Variants in B4GALNT2 observed in about 807,000 individuals in gnomAD.
The protein encoded by B4GALNT2 is beta-1,4-N-acetyl-galactosaminyltransferase 2 (SID blood group).
In B4GALNT2, 42 loss-of-function variants were observed where a neutral mutation model predicts 51.1. The ratio of observed to expected loss-of-function variants is 0.82; its 90% confidence interval spans 0.64 to 1.06. The LOEUF is 1.06. Ranked by LOEUF, B4GALNT2 falls within the 50% of genes least tolerant of loss-of-function variation. B4GALNT2 has a pLI of 0.00. For missense variants in B4GALNT2, 602 were observed against 633.6 expected (o/e 0.95, Z 0.54); for synonymous variants, 253 against 251.7 (o/e 1.01, Z -0.05).
At chr17:49,142,731 A>C (rs2042656619) in intron 3 of B4GALNT2, among the ~76,000 whole-genome samples, 1 of 151,942 alleles carries the variant, frequency 6.6e-6, no homozygotes, top group Non-Finnish European at 1.5e-5. Flanking sequence ...AAAACAAAAA[A>C]AACAAAAGGA....
the B4GALNT2 span, among the ~76,000 whole-genome samples, chr17:49,124,479 C>T: frequency 6.6e-6 from 1 of 152,092 alleles, no homozygotes; most frequent in Admixed American, 6.5e-5. Context: ...TTGTGGCACA[C>T]AATAGTTTTA....
rs2042949339 is a variant in B4GALNT2 at position 49,170,265 on chromosome 17, G to A, written c.*537G>A. Reference sequence around the variant, plus strand: ...TCACAGAATTAGGCAGCCGGGGTCAGAGGATCAGAGAAGGGAAGGGGTCAC... The same window carrying A: ...TCACAGAATTAGGCAGCCGGGGTCAAAGGATCAGAGAAGGGAAGGGGTCAC... On this transcript the variant is annotated 3_prime_UTR_variant, in exon 11 of 11. Coordinates refer to ENST00000393354, the MANE Select transcript of B4GALNT2 (RefSeq NM_001159387.2). 1 of 152,720 alleles carries A rather than the reference G, an allele frequency of 6.5e-6. No individual in the cohort carries two copies. Among genetic ancestry groups the A allele is most frequent in the Admixed American group, 6.5e-5 (1 of 15,292 alleles). The allele number at this position is 152,720 out of a possible 1,614,324, so 9.5% of individuals were successfully genotyped here.
intron 1 of B4GALNT2, among the ~76,000 whole-genome samples, chr17:49,140,003 C>T (rs1249372687): frequency 1.3e-5 from 2 of 150,156 alleles, no homozygotes; most frequent in Non-Finnish European, 3.0e-5. Flanking sequence ...ACTAGAATAG[C>T]TCAATTTTGT....
At chr17:49,146,079 G>A (rs1005611240) in intron 3 of B4GALNT2, among the ~76,000 whole-genome samples, 3 of 152,044 alleles carry the variant, frequency 2.0e-5, no homozygotes, top group African/African-American at 4.8e-5. Flanking sequence ...TCCTGGACCC[G>A]TGAATCCTGG....
chr17:49,142,502 C>A lies in B4GALNT2; in HGVS notation c.353+330C>A, dbSNP rs529490098. 5.9e-5 allele frequency among the ~76,000 whole-genome samples: 9 copies of A among 151,698 alleles called. No individual in the cohort carries two copies. The East Asian group carries it at 1.8e-3, about 30-fold the overall frequency. The stretch of plus-strand genomic sequence containing the variant: ...CCCAGGAGTTTGAGACCAGCTTGGG[C>A]AATATAGTGAGACCCCCATCTCTAC... On this transcript the variant is annotated intron_variant, in intron 3 of 10. Coordinates refer to ENST00000393354, the MANE Select transcript of B4GALNT2 (RefSeq NM_001159387.2).
At chr17:49,131,314 T>C (rs1226259301), upstream of B4GALNT2, among the ~76,000 whole-genome samples, 2 of 152,046 alleles carry the variant, frequency 1.3e-5, no homozygotes, top group East Asian at 1.9e-4. Flanking sequence ...TCTACATTTG[T>C]TACATTAAAA....
rs775174162 is a variant in B4GALNT2, at chr17:49,142,086, T to G, written c.267T>G (p.Gly89=). The G allele has an allele frequency of 2.7e-5, 43 of 1,613,748 alleles. No homozygotes were observed. The highest frequency in any genetic ancestry group is 1.2e-4 in the African/African-American group (9 of 74,794). The part of the protein sequence containing the change: ...CKCEANKEQG[G]YNFQDAYGQS... ...GTGAAGCCAACAAAGAGCAGGGAGGTTACAACTTTCAGGATGCCTATGGCC... is the reference window on the plus strand; with the variant it reads ...GTGAAGCCAACAAAGAGCAGGGAGGGTACAACTTTCAGGATGCCTATGGCC... The change falls in exon 3 of 11, where the codon GGT becomes GGG. Residue 89 remains glycine (G), a synonymous_variant. Transcript: ENST00000393354.
chr17:49,138,560 C>T (rs2042611135), intron 1 of B4GALNT2, among the ~76,000 whole-genome samples: 1 of 152,216 alleles, frequency 6.6e-6, no homozygotes, highest in African/African-American at 2.4e-5. Flanking sequence ...TCAGCTATCT[C>T]ATCTGATCAT....
At chr17:49,154,452 T>TGTCC (rs972346377) in intron 4 of B4GALNT2, among the ~76,000 whole-genome samples, 9 of 152,198 alleles carry the variant, frequency 5.9e-5, no homozygotes, top group Non-Finnish European at 1.3e-4. Flanking sequence ...CAGGCACAGA[T>TGTCC]GTCCCCTCCC....
intron 1 of B4GALNT2, chr17:49,133,237 C>G (rs370553673): frequency 1.4e-6 from 2 of 1,469,012 alleles, no homozygotes; most frequent in African/African-American, 1.5e-5. Context: ...AGTGCCCGGG[C>G]GCGGGGACTG....
intron 3 of B4GALNT2, 52 bp downstream of exon 3, chr17:49,142,224 C>G (rs1444316458): frequency 6.2e-7 from 1 of 1,607,108 alleles, no homozygotes; most frequent in Non-Finnish European, 8.5e-7. Context: ...AAAAGCCCTC[C>G]CTATGTCCTG....
At chr17:49,141,897 G>A (rs917046322) in intron 2 of B4GALNT2, 138 bp from the exon 3 acceptor site, 1 of 1,098,110 alleles carries the variant, frequency 9.1e-7, no homozygotes, top group Non-Finnish European at 1.3e-6. Flanking sequence ...GGACTCCAGG[G>A]TCTCATCATC....
At position 49,171,463 on chromosome 17, in the gene B4GALNT2, G is replaced by A; in HGVS notation, c.*1735G>A. The A allele has an allele frequency of 2.5e-6, 1 of 401,226 alleles. No individual in the cohort carries two copies. Among genetic ancestry groups the A allele is most frequent in the Admixed American group, 3.5e-5 (1 of 28,832 alleles). 24.9% of individuals were successfully genotyped at this position (401,226 alleles called of 1,614,324 possible). A position where few individuals can be genotyped will look rare whatever the true frequency, so the allele number is the denominator to read the frequency against. ...ATATGCAAAGACAAGTTTGTAGAGT[G>A]TCCTTCTAGATGCTTTTTTATTCTT... On this transcript the variant is annotated 3_prime_UTR_variant, in exon 11 of 11. Transcript: ENST00000393354.
In B4GALNT2 at chr17:49,164,160, T is replaced by C; in HGVS notation, c.839T>C (p.Leu280Pro). 1.2e-6 allele frequency: 2 copies of C among 1,613,986 alleles called. No individual in the cohort carries two copies. The highest frequency in any genetic ancestry group is 1.7e-6 in the Non-Finnish European group (2 of 1,179,874). Residue 280 changes from leucine (L) to proline (P), a missense_variant, in exon 8 of 11, where the codon CTC becomes CCC. Transcript: ENST00000393354. ...CGCCCCCACAAGCTCATGATCATGC[T>C]CCGGAGTATTCGAGAGTATTACCCA... ...FLRPHKLMIM[L>P]RSIREYYPDL...
chr17:49,129,367 C>T (rs966080266), upstream of B4GALNT2, among the ~76,000 whole-genome samples: 9 of 152,170 alleles, frequency 5.9e-5, no homozygotes, highest in Admixed American at 5.9e-4. Flanking sequence ...TAGTTGTCCT[C>T]CTCATGCAAA....
In B4GALNT2 at chr17:49,166,254, G is replaced by T. The variant is rs776973128; in HGVS notation, c.1095G>T (p.Val365=). Residue 365 remains valine (V), a splice_region_variant and synonymous_variant, in exon 9 of 11, where the codon GTG becomes GTT. Coordinates refer to ENST00000393354, the MANE Select transcript of B4GALNT2 (RefSeq NM_001159387.2). ...TCCTGGAGAAAACAGAACTGGACGT[G>T]GTAAGGGACAGTTGCCAGTTTCACC... is the stretch of plus-strand genomic sequence containing the variant. ...VDVLEKTELD[V]VGGSVLGNVF... is the part of the protein sequence containing the mutation. 3 of 1,609,132 alleles carry T rather than the reference G, an allele frequency of 1.9e-6. No individual in the cohort carries two copies. Among genetic ancestry groups the T allele is most frequent in the Non-Finnish European group, 1.7e-6 (2 of 1,176,980 alleles).
At chr17:49,164,425 C>G (rs1219110359) in intron 8 of B4GALNT2, 150 bp downstream of exon 8, 2 of 631,876 alleles carry the variant, frequency 3.2e-6, no homozygotes, top group Non-Finnish European at 5.4e-6. Context: ...TCCTCTGAGT[C>G]CCATTGCTGA....
At chr17:49,133,893 C>T (rs1294607391) in intron 1 of B4GALNT2, among the ~76,000 whole-genome samples, 1 of 152,102 alleles carries the variant, frequency 6.6e-6, no homozygotes, top group Non-Finnish European at 1.5e-5. Context: ...GCCTGGGCGA[C>T]AGAGGGAGAC....
At chr17:49,150,257 GCCCCCCGCCCGGC>G (rs2042738532) in intron 3 of B4GALNT2, among the ~76,000 whole-genome samples, 1 of 121,930 alleles carries the variant, frequency 8.2e-6, no homozygotes, top group African/African-American at 3.4e-5. Context: ...GGGGGGGTCA[GCCCCCCGCCCGGC>G]CAGCCGCCCC....
Sources: allele counts gnomAD v4.1 joint callset (sites outside exome capture counted in the v4.1 genomes callset), GRCh38; gene constraint gnomAD v4.1.1; transcripts MANE v1.5; gene names NCBI Gene and HGNC (gene_info 2026-07-23, HGNC 2026-07-21).